Variants in FGF1 observed in about 807,000 individuals in gnomAD.
FGF1 encodes the protein fibroblast growth factor 1.
Under a neutral mutation model 13.4 loss-of-function variants are expected in FGF1, and 9 were observed. The observed-to-expected ratio is 0.67, with a 90% CI of 0.40 to 1.17. FGF1 has a LOEUF of 1.17. FGF1 is among the 50% of genes most tolerant of loss of function. The probability of loss-of-function intolerance (pLI) is 0.01; values close to 1 mark genes in which losing one functional copy is unlikely to be tolerated. For missense variants in FGF1, 156 were observed against 192.7 expected (o/e 0.81, Z 1.13); for synonymous variants, 93 against 79.0 (o/e 1.18, Z -0.94).
chr5:142,618,924 G>GCTTTT, intron 1 of FGF1, among the ~76,000 whole-genome samples: 1 of 78,324 alleles, frequency 1.3e-5, no homozygotes, highest in Non-Finnish European at 2.7e-5. Context: ...TTTTTTAGTT[G>GCTTTT]TTTTGTTTTT....
At chr5:142,599,508 A>G (rs1454760757) in intron 3 of FGF1, among the ~76,000 whole-genome samples, 2 of 152,208 alleles carry the variant, frequency 1.3e-5, no homozygotes, top group Non-Finnish European at 2.9e-5. Context: ...TTTTGAAGAC[A>G]TCTTCATAAA....
intron 1 of FGF1, among the ~76,000 whole-genome samples, chr5:142,682,635 A>G (rs71587228): frequency 2.6e-5 from 4 of 152,160 alleles, no homozygotes; most frequent in Non-Finnish European, 5.9e-5. Flanking sequence ...CTAATGTGTT[A>G]TGCTCCCTCT....
chr5:142,619,189 C>T (rs1310672105), intron 1 of FGF1, among the ~76,000 whole-genome samples: 1 of 152,142 alleles, frequency 6.6e-6, no homozygotes, highest in Non-Finnish European at 1.5e-5. Flanking sequence ...CCGCCTCAGC[C>T]TCCCAAAGTG....
chr5:142,679,692 A>C (rs1773353534), intron 1 of FGF1, among the ~76,000 whole-genome samples: 2 of 149,780 alleles, frequency 1.3e-5, no homozygotes, highest in Admixed American at 6.6e-5. Flanking sequence ...CTCCCTCTTC[A>C]CTCTTTCTGT....
At chr5:142,636,691 G>A (rs1764306693) in intron 1 of FGF1, among the ~76,000 whole-genome samples, 1 of 150,508 alleles carries the variant, frequency 6.6e-6, no homozygotes, top group African/African-American at 2.5e-5. Flanking sequence ...GACTTCGGAA[G>A]ACTTCTTAGA....
intron 3 of FGF1, among the ~76,000 whole-genome samples, chr5:142,597,261 A>AG (rs891579586): frequency 1.3e-5 from 2 of 152,218 alleles, no homozygotes; most frequent in African/African-American, 4.8e-5. Flanking sequence ...ATCTACCCCT[A>AG]GGAGATGGTT....
At chr5:142,625,313 GACACACAC>G (rs59813387) in intron 1 of FGF1, among the ~76,000 whole-genome samples, 45,892 of 148,268 alleles carry the variant, frequency 0.31, 7,740 homozygotes, top group African/African-American at 0.42. Flanking sequence ...ACTACAAGCG[GACACACAC>G]ACACACACAC....
chr5:142,690,589 A>C (rs919119945), upstream of FGF1, among the ~76,000 whole-genome samples: 1 of 152,166 alleles, frequency 6.6e-6, no homozygotes, highest in Non-Finnish European at 1.5e-5. Flanking sequence ...TTTTCACTTA[A>C]TAATAGATGT....
intron 1 of FGF1, among the ~76,000 whole-genome samples, chr5:142,682,059 G>A (rs961178278): frequency 6.6e-6 from 1 of 151,916 alleles, no homozygotes; most frequent in African/African-American, 2.4e-5. Flanking sequence ...GGAACAAATG[G>A]ACTTGTAAGC....
At chr5:142,601,162 C>A in intron 2 of FGF1, 1 of 508,112 alleles carries the variant, frequency 2.0e-6, no homozygotes, top group Non-Finnish European at 3.9e-6. Flanking sequence ...ACTCACTCCC[C>A]CGGGCTCCCT....
chr5:142,692,856 A>AAACC lies in FGF1; in HGVS notation c.-35+4762_-35+4765dup, dbSNP rs71276313. Among the ~76,000 whole-genome samples the AAACC allele has an allele frequency of 5.6e-3, 853 of 151,346 alleles. 8 individuals carry two copies. The highest frequency in any genetic ancestry group is 0.02 in the African/African-American group (813 of 40,802). Reference sequence around the variant, plus strand: ...CAAACAAACAAACAAACAAACAAACAAACCCAATCTGGATCCCCAGTTTCT... The same window carrying AAACC: ...CAAACAAACAAACAAACAAACAAACAAACCAACCCAATCTGGATCCCCAGTTTCT... On this transcript the variant is annotated intron_variant, in intron 2 of 4. Transcript: ENST00000407758.
intron 1 of FGF1, among the ~76,000 whole-genome samples, chr5:142,678,679 G>T (rs1002148609): frequency 6.6e-6 from 1 of 152,156 alleles, no homozygotes. Flanking sequence ...CTGAATGCAC[G>T]CCTGCTCCTG....
intron 1 of FGF1, among the ~76,000 whole-genome samples, chr5:142,662,873 G>T (rs914279101): frequency 1.3e-5 from 2 of 151,974 alleles, no homozygotes; most frequent in Non-Finnish European, 2.9e-5. Flanking sequence ...CACCAGGCTG[G>T]AGTGCAGTGG....
rs139233493 is a variant in FGF1 at position 142,617,022 on chromosome 5, C to T, written c.-34-2861G>A. Among the ~76,000 whole-genome samples the T allele has an allele frequency of 3.8e-3, 585 of 152,304 alleles. 9 individuals carry two copies. The highest frequency in any genetic ancestry group is 3.3e-3 in the Non-Finnish European group (224 of 68,024). On this transcript the variant is annotated intron_variant, in intron 1 of 3. Coordinates refer to ENST00000337706, the MANE Select transcript of FGF1 (RefSeq NM_000800.5). ...GTTTCTCCTTGTCTCTGGACTTCCT[C>T]CAGTGTAGGTCCCATTTGCCTCTGA...
intron 1 of FGF1, among the ~76,000 whole-genome samples, chr5:142,652,266 CTTG>C (rs2151977458): frequency 6.6e-6 from 1 of 152,300 alleles, no homozygotes; most frequent in South Asian, 2.1e-4. Context: ...GGTGCTTCTT[CTTG>C]TTAACGTTTT....
intron 2 of FGF1, among the ~76,000 whole-genome samples, chr5:142,697,140 G>A (rs1270804336): frequency 6.6e-6 from 1 of 152,216 alleles, no homozygotes. Context: ...TAAGAAATCA[G>A]GAAGAGATGG....
intron 1 of FGF1, among the ~76,000 whole-genome samples, chr5:142,654,940 A>G (rs1767888443): frequency 6.6e-6 from 1 of 152,254 alleles, no homozygotes; most frequent in Non-Finnish European, 1.5e-5. Flanking sequence ...AGATAGAGCC[A>G]GGTAACCGCA....
chr5:142,665,367 G>C (rs1770109257), intron 1 of FGF1, among the ~76,000 whole-genome samples: 1 of 151,628 alleles, frequency 6.6e-6, no homozygotes, highest in African/African-American at 2.4e-5. Context: ...CCCTCCTCAG[G>C]ACTTTGGCCC....
intron 2 of FGF1, among the ~76,000 whole-genome samples, chr5:142,612,479 C>T (rs1759278685): frequency 6.6e-6 from 1 of 152,172 alleles, no homozygotes; most frequent in African/African-American, 2.4e-5. Flanking sequence ...ACTTAAAACC[C>T]AGAGGAATTA....
Sources: allele counts gnomAD v4.1 joint callset (sites outside exome capture counted in the v4.1 genomes callset), GRCh38; gene constraint gnomAD v4.1.1; transcripts MANE v1.5; gene names NCBI Gene and HGNC (gene_info 2026-07-23, HGNC 2026-07-21).